KISS1: variants seen among roughly 807,000 people sequenced by gnomAD.
KISS1 encodes KiSS-1 metastasis suppressor, also known as metastasis-suppressor KiSS-1.
For missense variants in KISS1, 182 were observed against 182.7 expected (o/e 1.00, Z 0.02); for synonymous variants, 97 against 88.7 (o/e 1.09, Z -0.52).
At chr1:204,194,000 G>A (rs1307285165) in intron 1 of KISS1, among the ~76,000 whole-genome samples, 1 of 152,152 alleles carries the variant, frequency 6.6e-6, no homozygotes, top group Non-Finnish European at 1.5e-5. Context: ...TGGGGAAGGG[G>A]GACTGGGGGA....
At chr1:204,196,160 T>C (rs1238939851) in intron 1 of KISS1, among the ~76,000 whole-genome samples, 1 of 152,206 alleles carries the variant, frequency 6.6e-6, no homozygotes, top group Non-Finnish European at 1.5e-5. Flanking sequence ...CCCAGAGTGT[T>C]AGCTTCACAA....
intron 1 of KISS1, among the ~76,000 whole-genome samples, chr1:204,194,143 G>A (rs763445437): frequency 3.3e-5 from 5 of 152,084 alleles, no homozygotes; most frequent in Non-Finnish European, 7.4e-5. Flanking sequence ...TAAAGAGTAA[G>A]AACCCTGAAA....
At chr1:204,191,292 C>T (rs10158857) in intron 2 of KISS1, among the ~76,000 whole-genome samples, 14,766 of 152,026 alleles carry the variant, frequency 0.097, 751 homozygotes, top group African/African-American at 0.13. Flanking sequence ...GGAGCTAAGA[C>T]ATTGTGGCCC....
rs1553307861 is a variant in KISS1 at position 204,190,409 on chromosome 1, T to TCCCCCCCC, written c.*74_*75insGGGGGGGG. The TCCCCCCCC allele has an allele frequency of 2.6e-3, 1,467 of 572,184 alleles. 59 individuals carry two copies. The highest frequency in any genetic ancestry group is 7.2e-3 in the Admixed American group (294 of 40,742). The allele number at this position is 572,184 out of a possible 1,614,324, so 35.4% of individuals were successfully genotyped here. A position where few individuals can be genotyped will look rare whatever the true frequency, so the allele number is the denominator to read the frequency against. On this transcript the variant is annotated 3_prime_UTR_variant, in exon 3 of 3. Transcript: ENST00000367194. Reference sequence around the variant, plus strand: ...CAGCGCCCCCTCCCTTAGCCCTACGTCCCCGCCCCCCGCCCCCGCCCCGCA... The same window carrying TCCCCCCCC: ...CAGCGCCCCCTCCCTTAGCCCTACGTCCCCCCCCCCCCGCCCCCCGCCCCCGCCCCGCA...
intron 1 of KISS1, among the ~76,000 whole-genome samples, chr1:204,195,636 T>C (rs1380615594): frequency 7.1e-6 from 1 of 140,906 alleles, no homozygotes; most frequent in Non-Finnish European, 1.5e-5. Flanking sequence ...ACGTACATCA[T>C]ACACACACAT....
chr1:204,195,031 G>A (rs1658810604), intron 1 of KISS1, among the ~76,000 whole-genome samples: 1 of 151,810 alleles, frequency 6.6e-6, no homozygotes, highest in Non-Finnish European at 1.5e-5. Flanking sequence ...TGGTTGGAGG[G>A]TGGTACTCTT....
chr1:204,196,077 G>A (rs981602954), intron 1 of KISS1, among the ~76,000 whole-genome samples: 14 of 152,322 alleles, frequency 9.2e-5, no homozygotes, highest in Middle Eastern at 3.4e-3. Flanking sequence ...GCGTGTCTGT[G>A]GTCTCTAATT....
Position 204,192,630 on chromosome 1 carries a change from A to G in KISS1, c.103+144T>C. 3 of 678,294 alleles carry G rather than the reference A, an allele frequency of 4.4e-6. No homozygotes were observed. The highest frequency in any genetic ancestry group is 8.2e-6 in the Non-Finnish European group (3 of 367,862). 42.0% of individuals were successfully genotyped at this position (678,294 alleles called of 1,614,324 possible). On this transcript the variant is annotated intron_variant, in intron 2 of 2. Transcript: ENST00000367194. The surrounding 1 kb of genome is among the most constrained non-coding windows in gnomAD (Gnocchi z 4.2). ...CTTGCAGGGTTAACAGGACCCCCTC[A>G]ATGAGTTGCATGTGTGCCAGTCTTA... is the stretch of plus-strand genomic sequence containing the variant.
At chr1:204,195,251 A>ACCACACACAC (rs1658825395) in intron 1 of KISS1, among the ~76,000 whole-genome samples, 4 of 150,674 alleles carry the variant, frequency 2.7e-5, no homozygotes, top group East Asian at 1.9e-4. Flanking sequence ...ACACCCATAC[A>ACCACACACAC]CACACATCAT....
rs1179846253 is a variant in KISS1 at position 204,192,746 on chromosome 1, C to T, written c.103+28G>A. On this transcript the variant is annotated intron_variant, in intron 2 of 2. Transcript: ENST00000367194. This position sits in a 1 kb window ranked among gnomAD's most constrained non-coding sequence, Gnocchi z 4.2. Reference sequence around the variant, plus strand: ...TTTTGCAACAACCCACTTGCTCCCTCCCACTCCTTTCCCCAGAGGATACAT... The same window carrying T: ...TTTTGCAACAACCCACTTGCTCCCTTCCACTCCTTTCCCCAGAGGATACAT... 4.2e-6 allele frequency: 6 copies of T among 1,430,800 alleles called. No individual in the cohort carries two copies. Among genetic ancestry groups the T allele is most frequent in the Non-Finnish European group, 5.8e-6 (6 of 1,027,064 alleles). The allele number at this position is 1,430,800 out of a possible 1,614,324, so 88.6% of individuals were successfully genotyped here.
Position 204,190,508 on chromosome 1 carries a change from G to T in KISS1, c.393C>A (p.His131Gln). The T allele has an allele frequency of 1.3e-6, 2 of 1,590,250 alleles. No individual in the cohort carries two copies. The highest frequency in any genetic ancestry group is 1.7e-6 in the Non-Finnish European group (2 of 1,169,844). ...CTCAGCCCCGCCCAGCGCTTCTGCC[G>T]TGGTTCCCTGGTGCCGCCTCCCGCT... ...FGKREAAPGN[H>Q]GRSAGRG Residue 131 changes from histidine to glutamine, a missense_variant, in exon 3 of 3, where the codon CAC becomes CAA. Physicochemically the swap from His to Gln is conservative, Grantham distance 24. Coordinates refer to ENST00000367194, the MANE Select transcript of KISS1 (RefSeq NM_002256.4).
chr1:204,193,736 C>T (rs1658786997), intron 1 of KISS1, among the ~76,000 whole-genome samples: 1 of 152,150 alleles, frequency 6.6e-6, no homozygotes, highest in South Asian at 2.1e-4. Context: ...ATTTTGGCTG[C>T]TGAGATGGGA....
At chr1:204,195,823 T>C (rs890604504) in intron 1 of KISS1, among the ~76,000 whole-genome samples, 2 of 152,100 alleles carry the variant, frequency 1.3e-5, no homozygotes, top group African/African-American at 2.4e-5. Flanking sequence ...AAAGGGGCCA[T>C]GAGTGGCCGA....
At chr1:204,195,707 C>T (rs1242851047) in intron 1 of KISS1, among the ~76,000 whole-genome samples, 1 of 128,704 alleles carries the variant, frequency 7.8e-6, no homozygotes, top group Non-Finnish European at 1.6e-5. Flanking sequence ...TACACCCATA[C>T]ACACATATCA....
intron 1 of KISS1, among the ~76,000 whole-genome samples, 189 bp from the exon 2 acceptor site, chr1:204,193,103 G>A (rs1310287306): frequency 2.6e-5 from 4 of 152,208 alleles, no homozygotes; most frequent in Admixed American, 6.5e-5. Context: ...TTTACACAGT[G>A]TAGTTAAAGC....
chr1:204,196,186 G>A (rs1237959713), intron 1 of KISS1, among the ~76,000 whole-genome samples, 190 bp downstream of exon 1: 1 of 152,234 alleles, frequency 6.6e-6, no homozygotes, highest in East Asian at 1.9e-4. Context: ...GTGCGACTCA[G>A]TGTATTCGCC....
In KISS1 at chr1:204,192,701, G is replaced by A; in HGVS notation, c.103+73C>T. ...TTAAACTCACACCAGTCGACTAGAT[G>A]GAAAATACGGGAAAGCTCATTTTGC... On this transcript the variant is annotated intron_variant, in intron 2 of 2. Coordinates refer to ENST00000367194, the MANE Select transcript of KISS1 (RefSeq NM_002256.4). This position sits in a 1 kb window ranked among gnomAD's most constrained non-coding sequence, Gnocchi z 4.2. The A allele has an allele frequency of 1.1e-6, 1 of 903,862 alleles. No individual in the cohort carries two copies. Among genetic ancestry groups the A allele is most frequent in the South Asian group, 1.4e-5 (1 of 71,034 alleles). The allele number at this position is 903,862 out of a possible 1,614,324, so 56.0% of individuals were successfully genotyped here. A position where few individuals can be genotyped will look rare whatever the true frequency, so the allele number is the denominator to read the frequency against.
At position 204,190,423 on chromosome 1, in the gene KISS1, C is replaced by CCCCCCCCCCCCCCCCCCCCCA; in HGVS notation, c.*60_*61insTGGGGGGGGGGGGGGGGGGGG. On this transcript the variant is annotated 3_prime_UTR_variant, in exon 3 of 3. Transcript: ENST00000367194. Reference sequence around the variant, plus strand: ...TTAGCCCTACGTCCCCGCCCCCCGCCCCCGCCCCGCATGCTCTGACTCCTT... The same window carrying CCCCCCCCCCCCCCCCCCCCCA: ...TTAGCCCTACGTCCCCGCCCCCCGCCCCCCCCCCCCCCCCCCCCCCACCCGCCCCGCATGCTCTGACTCCTT... 1.3e-6 allele frequency: 1 copy of CCCCCCCCCCCCCCCCCCCCCA among 774,948 alleles called. No homozygotes were observed. The highest frequency in any genetic ancestry group is 2.2e-6 in the Non-Finnish European group (1 of 463,628). The allele number at this position is 774,948 out of a possible 1,614,324, so 48.0% of individuals were successfully genotyped here.
intron 1 of KISS1, among the ~76,000 whole-genome samples, chr1:204,194,837 T>TA (rs1210387408): frequency 3.9e-5 from 6 of 152,036 alleles, no homozygotes; most frequent in Non-Finnish European, 8.8e-5. Context: ...TCAGGCCCTC[T>TA]AGCTAGACAA....
Sources: gnomAD v4.1 joint callset for allele counts (sites outside exome capture counted in the v4.1 genomes callset) on GRCh38, gnomAD v4.1.1 for gene constraint, Gnocchi (gnomAD v3.1) non-coding constraint, MANE v1.5 for transcripts, NCBI Gene and HGNC (gene_info 2026-07-23, HGNC 2026-07-21) for gene names.